The following ADD2 variants were observed in gnomAD, a reference collection of about 807,000 sequenced individuals.
ADD2 encodes adducin 2.
ADD2 carries 23 observed loss-of-function variants against 83.0 expected under a neutral mutation model. The ratio of observed to expected loss-of-function variants is 0.28; its 90% CI spans 0.20 to 0.39. The LOEUF (loss-of-function observed/expected upper bound fraction) is 0.39. Among genes scored for constraint, ADD2 ranks in the 10% least tolerant of loss-of-function variants. The pLI is 1.00. For synonymous variants in ADD2, 375 were observed against 375.4 expected (o/e 1.00, Z 0.01); for missense variants, 758 against 944.9 (o/e 0.80, Z 2.59).
intron 3 of ADD2, among the ~76,000 whole-genome samples, chr2:70,705,861 T>TC (rs1377723751): frequency 6.6e-6 from 1 of 152,192 alleles, no homozygotes; most frequent in Non-Finnish European, 1.5e-5. Context: ...CAAGCCCTCC[T>TC]CCTGGCACCC....
chr2:70,744,376 G>C lies in ADD2; in HGVS notation c.-154+23510C>G, dbSNP rs535611620. ...CATGATATCTGCACTTCATTCAAAC[G>C]GTTCTGAACTAAATTGTGTGTTATG... On this transcript the variant is annotated intron_variant, in intron 1 of 15. Transcript: ENST00000264436. Among the ~76,000 whole-genome samples, 14 of 152,276 alleles carry C rather than the reference G, an allele frequency of 9.2e-5. No individual in the cohort carries two copies. In the South Asian group the frequency reaches 1.5e-3, roughly 16 times the overall value.
intron 1 of ADD2, among the ~76,000 whole-genome samples, chr2:70,755,276 A>C (rs1034139281): frequency 6.6e-6 from 1 of 152,210 alleles, no homozygotes; most frequent in African/African-American, 2.4e-5. Flanking sequence ...ATGTGGCCTC[A>C]AATAGCATAA....
intron 1 of ADD2, among the ~76,000 whole-genome samples, chr2:70,748,028 AC>A (rs1253835368): frequency 6.6e-6 from 1 of 152,142 alleles, no homozygotes; most frequent in Non-Finnish European, 1.5e-5. Flanking sequence ...AAAAATCTTG[AC>A]ATATTATTGC....
At chr2:70,715,578 C>A (rs1203244972) in intron 1 of ADD2, among the ~76,000 whole-genome samples, 1 of 152,180 alleles carries the variant, frequency 6.6e-6, no homozygotes, top group Non-Finnish European at 1.5e-5. Context: ...TCAAGCTGGG[C>A]TGTGAGGCGG....
rs782754467 is a variant in ADD2 at position 70,672,925 on chromosome 2, T to C, written c.1823A>G (p.Glu608Gly). Residue 608 changes from glutamate to glycine, a missense_variant, in exon 15 of 16, where the codon GAG becomes GGG. Glu to Gly is a moderately conservative substitution (Grantham distance 98). Around this residue, in one of 5 missense-constraint regions of ADD2, gnomAD observed 165 missense variants for 176.2 expected, o/e 0.94. Coordinates refer to ENST00000264436, the MANE Select transcript of ADD2 (RefSeq NM_001617.4). ...PASPVQSPAKEAETKSPLVSP... is the reference protein window; with the variant it reads ...PASPVQSPAKGAETKSPLVSP... ...GACTAAAGGGCTCTTTGTCTCTGCC[T>C]CCTTCGCTGGGCTCTGCACTGGAGA... 5 of 1,613,716 alleles carry C rather than the reference T, an allele frequency of 3.1e-6. No individual in the cohort carries two copies. The South Asian group carries it at 5.5e-5, about 18-fold the overall frequency.
At position 70,692,428 on chromosome 2, in the gene ADD2, T is replaced by C; in HGVS notation, c.680A>G (p.His227Arg). The C allele has an allele frequency of 1.2e-6, 2 of 1,600,130 alleles. No individual in the cohort carries two copies. The highest frequency in any genetic ancestry group is 1.7e-6 in the Non-Finnish European group (2 of 1,172,330). Residue 227 changes from histidine (H) to arginine (R), a missense_variant, in exon 7 of 16, where the codon CAC (histidine) becomes CGC (arginine). Physicochemically the swap from His to Arg is conservative, Grantham distance 29. This residue lies in a region of ADD2 where 394 missense variants were observed against 509.3 expected (regional missense o/e 0.77). Coordinates refer to ENST00000264436, the MANE Select transcript of ADD2 (RefSeq NM_001617.4). ...AARPDVRCII[H>R]LHTPATAAVS... ...CGCTGCTGTGGCCGGTGTGTGCAGG[T>C]GGATGATGCAGCGCACGTCGGGCCT... is the stretch of plus-strand genomic sequence containing the variant.
At chr2:70,763,728 T>A (rs1438415448) in intron 1 of ADD2, among the ~76,000 whole-genome samples, 3 of 151,884 alleles carry the variant, frequency 2.0e-5, no homozygotes, top group African/African-American at 7.3e-5. Flanking sequence ...CACCATGCAA[T>A]CAATGCCATA....
At position 70,657,372 on chromosome 2, in the gene ADD2, AGCCAG is replaced by A. The variant is rs1299678847; in HGVS notation, c.*6048_*6052del. The A allele has an allele frequency of 6.6e-6, 1 of 152,186 alleles. No homozygotes were observed. Among genetic ancestry groups the A allele is most frequent in the Non-Finnish European group, 1.5e-5 (1 of 68,040 alleles). 9.4% of individuals were successfully genotyped at this position (152,186 alleles called of 1,614,324 possible). A position where few individuals can be genotyped will look rare whatever the true frequency, so the allele number is the denominator to read the frequency against. On this transcript the variant is annotated 3_prime_UTR_variant, in exon 16 of 16. Transcript: ENST00000264436. ...CTGGGTTCCTGCTTGCCTGCACCCC[AGCCAG>A]GCGATCTCAGGCTCTGGACCGTATG...
intron 1 of ADD2, among the ~76,000 whole-genome samples, chr2:70,762,442 TC>T (rs1368774181): frequency 2.6e-5 from 4 of 151,710 alleles, no homozygotes; most frequent in Non-Finnish European, 5.9e-5. Flanking sequence ...TAACCAGTCA[TC>T]CCCATTTGCC....
chr2:70,739,826 C>A (rs1201872094), intron 1 of ADD2, among the ~76,000 whole-genome samples: 1 of 152,158 alleles, frequency 6.6e-6, no homozygotes, highest in Non-Finnish European at 1.5e-5. Context: ...AGGATGAGAA[C>A]ACATGGACAC....
At chr2:70,670,453 T>C (rs1450147636) in intron 15 of ADD2, among the ~76,000 whole-genome samples, 1 of 152,200 alleles carries the variant, frequency 6.6e-6, no homozygotes, top group Non-Finnish European at 1.5e-5. Flanking sequence ...GCGTAGCCAG[T>C]TGCCCTGAGG....
chr2:70,703,760 G>T (rs782554200), intron 4 of ADD2, among the ~76,000 whole-genome samples: 9 of 152,152 alleles, frequency 5.9e-5, no homozygotes, highest in African/African-American at 1.9e-4. Context: ...AGAAAAAAAG[G>T]ACTGGAAGGA....
At chr2:70,673,322 T>C (rs1669986831) in intron 14 of ADD2, 1 of 1,613,962 alleles carries the variant, frequency 6.2e-7, no homozygotes, top group Non-Finnish European at 8.5e-7. Flanking sequence ...GTTCCTGTCC[T>C]GTCTCTGAAG....
At chr2:70,755,337 C>A (rs1466828691) in intron 1 of ADD2, among the ~76,000 whole-genome samples, 1 of 152,236 alleles carries the variant, frequency 6.6e-6, no homozygotes, top group African/African-American at 2.4e-5. Flanking sequence ...ATCCGTCTCA[C>A]GAACCCACCT....
chr2:70,699,842 A>T (rs1468801258), intron 4 of ADD2, among the ~76,000 whole-genome samples: 2 of 152,230 alleles, frequency 1.3e-5, no homozygotes, highest in Admixed American at 6.5e-5. Flanking sequence ...AAATAAAAGG[A>T]AGATCAAAAA....
chr2:70,733,378 T>TAACAC (rs1673375987), intron 1 of ADD2, among the ~76,000 whole-genome samples: 1 of 152,184 alleles, frequency 6.6e-6, no homozygotes, highest in African/African-American at 2.4e-5. Flanking sequence ...TCAGGCCTGG[T>TAACAC]GGTTAAAGCA....
At chr2:70,734,833 T>C (rs1428506622) in intron 1 of ADD2, among the ~76,000 whole-genome samples, 3 of 152,190 alleles carry the variant, frequency 2.0e-5, no homozygotes, top group South Asian at 2.1e-4. Flanking sequence ...TTGCACCTAT[T>C]TGAGTAAGTG....
At chr2:70,764,397 C>T (rs1002779348) in intron 1 of ADD2, among the ~76,000 whole-genome samples, 5 of 151,862 alleles carry the variant, frequency 3.3e-5, no homozygotes, top group Non-Finnish European at 5.9e-5. Context: ...GAGCAGTGGT[C>T]GCCAGGAGCT....
At chr2:70,672,303 T>G (rs981382775) in intron 15 of ADD2, among the ~76,000 whole-genome samples, 3 of 152,238 alleles carry the variant, frequency 2.0e-5, no homozygotes, top group African/African-American at 7.2e-5. Flanking sequence ...TAGATTCCCC[T>G]GGAGAGACGT....
Sources: gnomAD v4.1 joint callset for allele counts (sites outside exome capture counted in the v4.1 genomes callset) on GRCh38, gnomAD v4.1.1 for gene constraint, gnomAD v4.1.1 regional missense constraint, MANE v1.5 for transcripts, NCBI Gene and HGNC (gene_info 2026-07-23, HGNC 2026-07-21) for gene names.